The following OPHN1 variants were observed in gnomAD, a reference collection of about 807,000 sequenced individuals.
OPHN1 encodes oligophrenin 1.
In OPHN1, 11 loss-of-function variants were observed where a neutral mutation model predicts 60.7. The observed-to-expected ratio is 0.18, with a 90% CI of 0.11 to 0.30. The LOEUF is 0.30. Among genes scored for constraint, OPHN1 ranks in the 10% least tolerant of loss-of-function variants. The pLI is 1.00. For missense variants in OPHN1, 449 were observed against 611.0 expected, an observed-to-expected ratio of 0.73 and a Z score of 2.80; for synonymous variants, 226 against 222.6, an observed-to-expected ratio of 1.02 and a Z score of -0.14.
chrX:68,145,540 G>T, intron 15 of OPHN1, among the ~76,000 whole-genome samples: 1 of 111,345 alleles, frequency 9.0e-6, no homozygotes, highest in Non-Finnish European at 1.9e-5. Flanking sequence ...AAAGGTGGGG[G>T]GAAGCAAACA....
At chrX:68,415,276 T>G (rs1280579590) in intron 2 of OPHN1, among the ~76,000 whole-genome samples, 1 of 112,200 alleles carries the variant, frequency 8.9e-6, no homozygotes, top group Non-Finnish European at 1.9e-5. Flanking sequence ...AGATAGAAAC[T>G]TATAACTGCC....
At chrX:68,098,175 A>G (rs2077044838) in intron 18 of OPHN1, among the ~76,000 whole-genome samples, 1 of 111,074 alleles carries the variant, frequency 9.0e-6, no homozygotes, top group Non-Finnish European at 1.9e-5. Flanking sequence ...CATCTCCTTC[A>G]GGGAGACCAG....
At chrX:68,140,629 C>A (rs1016270001) in intron 15 of OPHN1, among the ~76,000 whole-genome samples, 4 of 109,857 alleles carry the variant, frequency 3.6e-5, no homozygotes, top group African/African-American at 1.3e-4. Flanking sequence ...GGGCTCCCGG[C>A]TAAACCTCAC....
chrX:68,422,631 A>AGAAAAAGG (rs397963510), intron 2 of OPHN1, among the ~76,000 whole-genome samples: 3,663 of 97,087 alleles, frequency 0.038, 255 homozygotes, highest in African/African-American at 0.13. Flanking sequence ...AAAGAAAGAA[A>AGAAAAAGG]AAGGAAGGAA....
rs1311937850 is a variant in OPHN1 at position 68,045,014 on chromosome X, C to T, written c.*2158G>A. 1.8e-5 allele frequency: 2 copies of T among 111,781 alleles called. No homozygotes were observed. The highest frequency in any genetic ancestry group is 3.8e-5 in the Non-Finnish European group (2 of 53,187). 9.2% of individuals were successfully genotyped at this position (111,781 alleles called of 1,213,427 possible). A position where few individuals can be genotyped will look rare whatever the true frequency, so the allele number is the denominator to read the frequency against. On this transcript the variant is annotated 3_prime_UTR_variant, in exon 25 of 25. Coordinates refer to ENST00000355520, the MANE Select transcript of OPHN1 (RefSeq NM_002547.3). ...ACTGTGGCCCTATTAGCCATGCTTT[C>T]ATGGCCAAAATCTGCACACCTGTCT... is the stretch of plus-strand genomic sequence containing the variant.
chrX:68,312,603 A>G (rs1241855909), intron 2 of OPHN1, among the ~76,000 whole-genome samples: 1 of 110,932 alleles, frequency 9.0e-6, no homozygotes, highest in Non-Finnish European at 1.9e-5. Flanking sequence ...CTAACTTTAC[A>G]CCTTAAGAAA....
chrX:68,424,244 T>C (rs192155950), intron 2 of OPHN1, among the ~76,000 whole-genome samples: 1 of 111,445 alleles, frequency 9.0e-6, no homozygotes, highest in Admixed American at 9.6e-5. Context: ...TTCTCACAAT[T>C]GTAATTAATT....
chrX:68,262,829 A>AAGGACAGGAC lies in OPHN1; in HGVS notation c.384+11899_384+11908dup, dbSNP rs4020603. 7.5e-3 allele frequency among the ~76,000 whole-genome samples: 734 copies of AAGGACAGGAC among 98,013 alleles called. 2 individuals carry two copies. The highest frequency in any genetic ancestry group is 0.021 in the South Asian group (38 of 1,789). The allele number at this position is 98,013 out of a possible 115,157, so 85.1% of individuals were successfully genotyped here. ...CAGGACAGGACAGGACAAGAAAGGA[A>AAGGACAGGAC]AGGACAGGACAGGACAGGACAGGAC... On this transcript the variant is annotated intron_variant, in intron 5 of 24. Transcript: ENST00000355520.
chrX:68,403,162 G>A (rs1448217671), intron 2 of OPHN1, among the ~76,000 whole-genome samples: 1 of 112,275 alleles, frequency 8.9e-6, no homozygotes, highest in Non-Finnish European at 1.9e-5. Flanking sequence ...GTGTTAAATA[G>A]GAAAAGCAGC....
intron 6 of OPHN1, among the ~76,000 whole-genome samples, chrX:68,221,913 A>C (rs1362306223): frequency 1.9e-4 from 18 of 96,475 alleles, no homozygotes; most frequent in African/African-American, 3.7e-4. Flanking sequence ...GCAACAAAAG[A>C]CAAAATTGAC....
At chrX:68,056,743 G>C (rs921590014) in intron 21 of OPHN1, among the ~76,000 whole-genome samples, 3 of 111,442 alleles carry the variant, frequency 2.7e-5, no homozygotes, top group African/African-American at 9.8e-5. Flanking sequence ...TTACAGAGAA[G>C]GAAACTGAGG....
At chrX:68,140,764 G>A (rs1244580981) in intron 15 of OPHN1, among the ~76,000 whole-genome samples, 12 of 105,771 alleles carry the variant, frequency 1.1e-4, no homozygotes, top group African/African-American at 4.1e-4. Context: ...AGCTGGCAGG[G>A]AAAAAAAAAA....
intron 16 of OPHN1, among the ~76,000 whole-genome samples, chrX:68,113,607 G>A (rs1215433236): frequency 9.0e-6 from 1 of 111,055 alleles, no homozygotes; most frequent in African/African-American, 3.3e-5. Flanking sequence ...CAATAATCCT[G>A]TGAGGTGGAG....
chrX:68,252,864 A>G (rs2077842887), intron 5 of OPHN1, among the ~76,000 whole-genome samples: 1 of 111,015 alleles, frequency 9.0e-6, no homozygotes, highest in African/African-American at 3.3e-5. Flanking sequence ...AAATAAGAAA[A>G]AAAATCCTCT....
chrX:68,259,249 G>C (rs975909568), intron 5 of OPHN1, among the ~76,000 whole-genome samples: 1 of 111,132 alleles, frequency 9.0e-6, no homozygotes, highest in Admixed American at 9.6e-5. Flanking sequence ...CCAGGAGTTC[G>C]AGACCAGTCT....
chrX:68,378,723 G>A (rs1366369679), intron 2 of OPHN1, among the ~76,000 whole-genome samples: 2 of 111,489 alleles, frequency 1.8e-5, no homozygotes, highest in South Asian at 3.8e-4. Context: ...TGTGAGGTTT[G>A]TCAAAGATCA....
At chrX:68,132,972 C>A in intron 15 of OPHN1, 1 of 458,973 alleles carries the variant, frequency 2.2e-6, no homozygotes, top group Non-Finnish European at 3.9e-6. Flanking sequence ...AGCCCCACTC[C>A]GGGCCTCAGG....
rs749397875 is a variant in OPHN1 at position 68,306,593 on chromosome X, G to A, written c.155-7497C>T. Among the ~76,000 whole-genome samples, 6 of 112,231 alleles carry A rather than the reference G, an allele frequency of 5.3e-5. No individual in the cohort carries two copies. In the East Asian group the frequency reaches 1.7e-3, roughly 31 times the overall value. Reference sequence around the variant, plus strand: ...ATCTCAAAATCTAAAATAATGTCCAGTATAAAGTAGGTCGTCAATGTTAGC... The same window carrying A: ...ATCTCAAAATCTAAAATAATGTCCAATATAAAGTAGGTCGTCAATGTTAGC... On this transcript the variant is annotated intron_variant, in intron 2 of 24. Coordinates refer to ENST00000355520, the MANE Select transcript of OPHN1 (RefSeq NM_002547.3).
chrX:68,171,841 G>A (rs1283688784), intron 15 of OPHN1, among the ~76,000 whole-genome samples: 1 of 111,981 alleles, frequency 8.9e-6, no homozygotes, highest in South Asian at 3.7e-4. Context: ...ATATATATCT[G>A]GCTAATGAGT....
Sources: gnomAD v4.1 joint callset for allele counts (sites outside exome capture counted in the v4.1 genomes callset) on GRCh38, gnomAD v4.1.1 for gene constraint, MANE v1.5 for transcripts, NCBI Gene and HGNC (gene_info 2026-07-23, HGNC 2026-07-21) for gene names.